The following DOCK2 variants were observed in gnomAD, a reference collection of about 807,000 sequenced individuals.
DOCK2 encodes the protein dedicator of cytokinesis 2, also known as dedicator of cytokinesis protein 2.
Under a neutral mutation model 248.9 loss-of-function variants are expected in DOCK2, and 87 were observed. That is an observed-to-expected ratio of 0.35 (90% CI 0.29 to 0.42). The LOEUF (loss-of-function observed/expected upper bound fraction) is 0.42. Among genes scored for constraint, DOCK2 ranks in the 10% least tolerant of loss-of-function variants. The pLI is 1.00. For missense variants in DOCK2, 1,747 were observed against 2,300.2 expected, an observed-to-expected ratio of 0.76 and a Z score of 4.92; for synonymous variants, 805 against 821.6, an observed-to-expected ratio of 0.98 and a Z score of 0.35.
At chr5:170,039,300 C>T (rs1756430285) in intron 36 of DOCK2, among the ~76,000 whole-genome samples, 1 of 152,198 alleles carries the variant, frequency 6.6e-6, no homozygotes, top group African/African-American at 2.4e-5. Context: ...CCTCTTCTCC[C>T]CACCTGGATA....
intron 14 of DOCK2, among the ~76,000 whole-genome samples, chr5:169,703,066 G>A (rs543621380): frequency 6.6e-6 from 1 of 152,266 alleles, no homozygotes; most frequent in Admixed American, 6.5e-5. Flanking sequence ...TTTCTTTAAG[G>A]TTGTCAGTGC....
chr5:169,729,429 A>G (rs1373568966), intron 22 of DOCK2, among the ~76,000 whole-genome samples: 2 of 152,158 alleles, frequency 1.3e-5, no homozygotes, highest in Non-Finnish European at 2.9e-5. Flanking sequence ...ATCATGTGGC[A>G]CATATGGTCA....
chr5:170,054,799 C>T (rs1441617729), intron 41 of DOCK2, among the ~76,000 whole-genome samples: 1 of 152,056 alleles, frequency 6.6e-6, no homozygotes, highest in Non-Finnish European at 1.5e-5. Context: ...GTAGTGAGTC[C>T]AGAGTGAAAG....
At chr5:170,080,116 G>T in intron 49 of DOCK2, 47 bp from the exon 50 acceptor site, 1 of 1,608,654 alleles carries the variant, frequency 6.2e-7, no homozygotes, top group Non-Finnish European at 8.5e-7. Context: ...CTCATGCTAA[G>T]CCTCTGTCTT....
At chr5:170,063,773 G>A (rs1482880220) in intron 44 of DOCK2, among the ~76,000 whole-genome samples, 1 of 152,190 alleles carries the variant, frequency 6.6e-6, no homozygotes, top group Non-Finnish European at 1.5e-5. Context: ...CTAGACCACA[G>A]CAAAAAGAGG....
rs1040262458 is a variant in DOCK2, at chr5:169,764,063, C to T, written c.2554+2438C>T. 6.6e-5 allele frequency among the ~76,000 whole-genome samples: 10 copies of T among 152,196 alleles called. No homozygotes were observed. Among genetic ancestry groups the T allele is most frequent in the African/African-American group, 1.4e-4 (6 of 41,452 alleles). Reference sequence around the variant, plus strand: ...CCATCGACCTCGGGTGAGCATCTCTCTTTATACCCTTAAATAAGGTGAGTG... The same window carrying T: ...CCATCGACCTCGGGTGAGCATCTCTTTTTATACCCTTAAATAAGGTGAGTG... On this transcript the variant is annotated intron_variant, in intron 25 of 51. Coordinates refer to ENST00000520908, the MANE Select transcript of DOCK2 (RefSeq NM_004946.3). The surrounding 1 kb of genome is among the most constrained non-coding windows in gnomAD (Gnocchi z 4.3).
chr5:170,079,328 T>C, intron 49 of DOCK2, 182 bp downstream of exon 49: 1 of 759,162 alleles, frequency 1.3e-6, no homozygotes, highest in South Asian at 1.8e-5. Context: ...CCCAGGCAGC[T>C]GGGGTGGCTG....
Position 170,055,393 on chromosome 5 carries a change from C to T in DOCK2, c.4295+7C>T. ...TGCCTGACCAGATTATAAAGTAAGA[C>T]TCGTTGTCCACAGGGAAGAAGGATG... On this transcript the variant is annotated splice_region_variant and intron_variant, in intron 42 of 51. Transcript: ENST00000520908. 3 of 1,613,696 alleles carry T rather than the reference C, an allele frequency of 1.9e-6. No individual in the cohort carries two copies. The highest frequency in any genetic ancestry group is 2.5e-6 in the Non-Finnish European group (3 of 1,179,604).
rs149008494 is a variant in DOCK2 at position 170,019,038 on chromosome 5, G to A, written c.3311G>A (p.Arg1104Gln). The change falls in exon 33 of 52, where the codon CGG (arginine) becomes CAG (glutamine). Residue 1104 changes from arginine to glutamine, a missense_variant. Arg to Gln is a conservative substitution (Grantham distance 43). Around this residue, in one of 4 missense-constraint regions of DOCK2, gnomAD observed 858 missense variants for 1,183.5 expected, o/e 0.72. Transcript: ENST00000520908. The part of the protein sequence containing the change: ...EMTLIPEAEL[R>Q]KATIPIFFDM... ...ACACTTATCCCTGAGGCTGAGCTCC[G>A]GAAAGCCACCATACCAATCTTCTTC... The A allele has an allele frequency of 2.9e-5, 47 of 1,613,888 alleles. No individual in the cohort carries two copies. The East Asian group carries it at 3.3e-4, about 11-fold the overall frequency.
intron 27 of DOCK2, among the ~76,000 whole-genome samples, chr5:169,955,926 G>A (rs1422693): frequency 6.6e-6 from 1 of 152,052 alleles, no homozygotes; most frequent in Non-Finnish European, 1.5e-5. Context: ...AGCCAAGTGT[G>A]CTTTGGGCAA....
chr5:169,963,661 C>T (rs1203848864), intron 27 of DOCK2, among the ~76,000 whole-genome samples: 3 of 152,194 alleles, frequency 2.0e-5, no homozygotes, highest in Non-Finnish European at 2.9e-5. Context: ...AACCCACCCC[C>T]TCACCCAGTC....
rs1554127848 is a variant in DOCK2, at chr5:170,041,097, T to C, written c.3708T>C (p.Asn1236=). The part of the protein sequence containing the change: ...KLRDLHLDCD[N]YTEAAYTLLL... ...GCGATCTTCACCTGGACTGTGACAATTACACAGAGGCTGCCTACACGCTCC... is the reference window on the plus strand; with the variant it reads ...GCGATCTTCACCTGGACTGTGACAACTACACAGAGGCTGCCTACACGCTCC... Residue 1236 remains asparagine (N), a synonymous_variant, in exon 37 of 52, where the codon AAT becomes AAC. Transcript: ENST00000520908. 6.2e-7 allele frequency: 1 copy of C among 1,613,954 alleles called. No homozygotes were observed. The highest frequency in any genetic ancestry group is 8.5e-7 in the Non-Finnish European group (1 of 1,180,010).
chr5:169,740,625 T>C (rs1258240624), intron 22 of DOCK2, among the ~76,000 whole-genome samples: 1 of 152,210 alleles, frequency 6.6e-6, no homozygotes, highest in South Asian at 2.1e-4. Context: ...GCTGGGGGTA[T>C]TCAATGAAGT....
At position 169,850,979 on chromosome 5, in the gene DOCK2, C is replaced by T. The variant is rs565446144; in HGVS notation, c.2799+10127C>T. Among the ~76,000 whole-genome samples the T allele has an allele frequency of 2.0e-5, 3 of 152,280 alleles. No individual in the cohort carries two copies. In the East Asian group the frequency reaches 5.8e-4, roughly 29 times the overall value. On this transcript the variant is annotated intron_variant, in intron 27 of 51. Transcript: ENST00000520908. ...GGCCATCTTTCCGGTTGTTCGTTGTCCTTGTTTCAGTTACAACATTACCAC... is the reference window on the plus strand; with the variant it reads ...GGCCATCTTTCCGGTTGTTCGTTGTTCTTGTTTCAGTTACAACATTACCAC...
At chr5:170,008,020 G>A (rs1205402176) in intron 30 of DOCK2, among the ~76,000 whole-genome samples, 2 of 152,158 alleles carry the variant, frequency 1.3e-5, no homozygotes, top group Non-Finnish European at 2.9e-5. Flanking sequence ...ATGGATTGCA[G>A]TTTGGTCCTC....
intron 32 of DOCK2, among the ~76,000 whole-genome samples, chr5:170,009,375 T>G (rs896369319): frequency 2.0e-5 from 3 of 152,186 alleles, no homozygotes; most frequent in African/African-American, 7.2e-5. Context: ...CCCATCCTTT[T>G]ACTGATCAGG....
intron 36 of DOCK2, among the ~76,000 whole-genome samples, chr5:170,037,717 C>T (rs1042989480): frequency 2.6e-5 from 4 of 152,122 alleles, no homozygotes; most frequent in South Asian, 4.1e-4. Flanking sequence ...AACTCCCAAC[C>T]TCAGGTGATC....
chr5:170,082,764 C>T (rs1446378415), intron 51 of DOCK2, 32 bp from the exon 52 acceptor site: 1 of 1,613,814 alleles, frequency 6.2e-7, no homozygotes, highest in Non-Finnish European at 8.5e-7. Context: ...ATAATCGCAT[C>T]TTGGTTTTGT....
rs376465683 is a variant in DOCK2, at chr5:169,848,736, A to G, written c.2799+7884A>G. On this transcript the variant is annotated intron_variant, in intron 27 of 51. Transcript: ENST00000520908. Reference sequence around the variant, plus strand: ...TACCCCGGTTTTCACAGAGGAGGCTATTGAGTGATTAAGTAAAGGTAAATG... The same window carrying G: ...TACCCCGGTTTTCACAGAGGAGGCTGTTGAGTGATTAAGTAAAGGTAAATG... 7.9e-5 allele frequency among the ~76,000 whole-genome samples: 12 copies of G among 152,322 alleles called. No individual in the cohort carries two copies. In the East Asian group the frequency reaches 2.1e-3, roughly 27 times the overall value.
Sources: allele counts gnomAD v4.1 joint callset (sites outside exome capture counted in the v4.1 genomes callset), GRCh38; gene constraint gnomAD v4.1.1; regional missense constraint gnomAD v4.1.1; non-coding constraint Gnocchi (gnomAD v3.1); transcripts MANE v1.5; gene names NCBI Gene and HGNC (gene_info 2026-07-23, HGNC 2026-07-21).